Variants in C9orf78 observed in about 807,000 individuals in gnomAD.
C9orf78 encodes splicing factor C9orf78.
A neutral mutation model predicts 37.4 loss-of-function variants in C9orf78; 19 were observed. The ratio of observed to expected loss-of-function variants is 0.51; its 90% CI spans 0.35 to 0.74. The LOEUF (loss-of-function observed/expected upper bound fraction) is 0.74. Among genes scored for constraint, C9orf78 ranks in the 30% least tolerant of loss-of-function variants. The pLI, the probability that C9orf78 is intolerant of heterozygous loss-of-function variation, is 0.01. For synonymous variants in C9orf78, 130 were observed against 128.0 expected (o/e 1.02, Z -0.10); for missense variants, 291 against 370.8 (o/e 0.78, Z 1.77).
chr9:129,828,989 A>G, intron 8 of C9orf78: 2 of 635,376 alleles, frequency 3.1e-6, no homozygotes, highest in South Asian at 3.5e-5. Context: ...ATGAATTCTC[A>G]GAGTAATCCT....
rs2031689306 is a variant in C9orf78 at position 129,835,184 on chromosome 9, C to G, written c.38G>C (p.Gly13Ala). 1 of 1,610,378 alleles carries G rather than the reference C, an allele frequency of 6.2e-7. No homozygotes were observed. Among genetic ancestry groups the G allele is most frequent in the Non-Finnish European group, 8.5e-7 (1 of 1,178,890 alleles). Residue 13 changes from glycine to alanine, a missense_variant, in exon 1 of 9, where the codon GGC becomes GCC. Around this residue, in one of 3 missense-constraint regions of C9orf78, gnomAD observed 158 missense variants for 174.8 expected, o/e 0.90. Transcript: ENST00000372447. Reference sequence around the variant, plus strand: ...CTCATCTTCCTCTGACTCCGAGTCGCCCCGGCGGCGACGGAAAATCTTCCG... The same window carrying G: ...CTCATCTTCCTCTGACTCCGAGTCGGCCCGGCGGCGACGGAAAATCTTCCG... ...VVRKIFRRRR[G>A]DSESEEDEQD...
chr9:129,830,521 T>C (rs28455159), intron 6 of C9orf78: 2 of 272,104 alleles, frequency 7.4e-6, no homozygotes, highest in East Asian at 9.1e-5. Flanking sequence ...AATTTTTTTT[T>C]CCTTTTTTTT....
intron 4 of C9orf78, among the ~76,000 whole-genome samples, chr9:129,833,071 G>A (rs1285155549): frequency 2.9e-5 from 3 of 102,994 alleles, no homozygotes; most frequent in African/African-American, 8.6e-5. Flanking sequence ...GTACATATGT[G>A]TGTGTGTGTG....
In C9orf78 at chr9:129,827,783, C is replaced by CTTTTTTTTTTTTTTTTTTTTTTTTTTT. The variant is rs56021512; in HGVS notation, c.*377_*378insAAAAAAAAAAAAAAAAAAAAAAAAAAA. On this transcript the variant is annotated 3_prime_UTR_variant, in exon 9 of 9. Coordinates refer to ENST00000372447, the MANE Select transcript of C9orf78 (RefSeq NM_016520.3). ...TGTCCTGGAAGCCATTTTTCTTTTTCTTTTTTTTTTTTTTTTTTTTTTTTG... is the reference window on the plus strand; with the variant it reads ...TGTCCTGGAAGCCATTTTTCTTTTTCTTTTTTTTTTTTTTTTTTTTTTTTTTTTTTTTTTTTTTTTTTTTTTTTTTTG... 8.9e-6 allele frequency: 1 copy of CTTTTTTTTTTTTTTTTTTTTTTTTTTT among 112,582 alleles called. No individual in the cohort carries two copies. The highest frequency in any genetic ancestry group is 3.2e-5 in the African/African-American group (1 of 31,066). 7.0% of individuals were successfully genotyped at this position (112,582 alleles called of 1,614,324 possible).
At chr9:129,834,357 T>A (rs2031617375) in intron 2 of C9orf78, 2 of 264,850 alleles carry the variant, frequency 7.6e-6, no homozygotes, top group Non-Finnish European at 1.4e-5. Flanking sequence ...TTAACACTGA[T>A]CATTTCCGGA....
At position 129,831,957 on chromosome 9, in the gene C9orf78, C is replaced by A. The variant is rs1443566332; in HGVS notation, c.283G>T (p.Asp95Tyr). The A allele has an allele frequency of 6.4e-7, 1 of 1,556,268 alleles. No homozygotes were observed. The highest frequency in any genetic ancestry group is 8.9e-7 in the Non-Finnish European group (1 of 1,127,472). The change falls in exon 5 of 9, where the codon GAC becomes TAC. Residue 95 changes from aspartate (D) to tyrosine (Y), a missense_variant. By Grantham distance (160) the Asp-to-Tyr change is radical. Transcript: ENST00000372447. ...RGKDKISEEE[D>Y]LHLGTSFSAE... ...GAAAACGATGTCCCCAGGTGCAGGTCCTCCTCCTCACTGATCCTGGAGGGA... is the reference window on the plus strand; with the variant it reads ...GAAAACGATGTCCCCAGGTGCAGGTACTCCTCCTCACTGATCCTGGAGGGA...
chr9:129,828,150 C>G lies in C9orf78; in HGVS notation c.*11G>C. 1 of 1,479,916 alleles carries G rather than the reference C, an allele frequency of 6.8e-7. No individual in the cohort carries two copies. The highest frequency in any genetic ancestry group is 9.4e-7 in the Non-Finnish European group (1 of 1,059,804). 91.7% of individuals were successfully genotyped at this position (1,479,916 alleles called of 1,614,324 possible). On this transcript the variant is annotated 3_prime_UTR_variant, in exon 9 of 9. Coordinates refer to ENST00000372447, the MANE Select transcript of C9orf78 (RefSeq NM_016520.3). Reference sequence around the variant, plus strand: ...AGAGGAAGGCGATATTTACATCCCACTCTGCACAACTCAGTACCGCCTATT... The same window carrying G: ...AGAGGAAGGCGATATTTACATCCCAGTCTGCACAACTCAGTACCGCCTATT...
rs1481305283 is a variant in C9orf78, at chr9:129,833,713, A to T, written c.144-4T>A. ...TCCCACCAGCAAGGCCACAGCACTG[A>T]GCAAAACCAAAAAAAAAAGAGAGGG... On this transcript the variant is annotated splice_polypyrimidine_tract_variant and splice_region_variant and intron_variant, in intron 2 of 8. Transcript: ENST00000372447. 6.2e-7 allele frequency: 1 copy of T among 1,607,558 alleles called. No homozygotes were observed. The highest frequency in any genetic ancestry group is 8.5e-7 in the Non-Finnish European group (1 of 1,175,268).
In C9orf78 at chr9:129,835,271, A is replaced by G. The variant is rs1348217259; in HGVS notation, c.-50T>C. The G allele has an allele frequency of 1.4e-6, 2 of 1,389,684 alleles. No individual in the cohort carries two copies. Among genetic ancestry groups the G allele is most frequent in the Non-Finnish European group, 1.0e-6 (1 of 1,004,368 alleles). The allele number at this position is 1,389,684 out of a possible 1,614,324, so 86.1% of individuals were successfully genotyped here. A position where few individuals can be genotyped will look rare whatever the true frequency, so the allele number is the denominator to read the frequency against. On this transcript the variant is annotated 5_prime_UTR_variant, in exon 1 of 9. Coordinates refer to ENST00000372447, the MANE Select transcript of C9orf78 (RefSeq NM_016520.3). Reference sequence around the variant, plus strand: ...CCGCCGCGCCTCTGCGCAGCGGCCCAGGCTGCTTCCGGCGCGCGGCAGAGC... The same window carrying G: ...CCGCCGCGCCTCTGCGCAGCGGCCCGGGCTGCTTCCGGCGCGCGGCAGAGC...
rs2031365107 is a variant in C9orf78, at chr9:129,827,444, CATTTCT to C, written c.*711_*716del. The C allele has an allele frequency of 6.6e-6, 1 of 152,032 alleles. No homozygotes were observed. The highest frequency in any genetic ancestry group is 6.6e-5 in the Admixed American group (1 of 15,256). The allele number at this position is 152,032 out of a possible 1,614,324, so 9.4% of individuals were successfully genotyped here. On this transcript the variant is annotated 3_prime_UTR_variant, in exon 9 of 9. Coordinates refer to ENST00000372447, the MANE Select transcript of C9orf78 (RefSeq NM_016520.3). ...GGATTTTTCTGTCAGCTGGAGGATGCATTTCTGACCCCATCCCAGACACGTGAAAGC... is the reference window on the plus strand; with the variant it reads ...GGATTTTTCTGTCAGCTGGAGGATGCGACCCCATCCCAGACACGTGAAAGC...
intron 4 of C9orf78, among the ~76,000 whole-genome samples, chr9:129,833,068 T>C (rs1273303128): frequency 3.9e-5 from 1 of 25,572 alleles, no homozygotes; most frequent in East Asian, 3.7e-4. Context: ...TGTGTACATA[T>C]GTGTGTGTGT....
chr9:129,834,084 A>G (rs1564189336), intron 2 of C9orf78: 6 of 244,314 alleles, frequency 2.5e-5, no homozygotes, highest in Non-Finnish European at 3.2e-5. Context: ...AATCACCTAC[A>G]TGTCCCAAAA....
At chr9:129,832,369 A>T (rs2031522281) in intron 4 of C9orf78, among the ~76,000 whole-genome samples, 1 of 143,718 alleles carries the variant, frequency 7.0e-6, no homozygotes, top group Non-Finnish European at 1.6e-5. Context: ...ATACAATGTA[A>T]ATGCTATATA....
chr9:129,830,098 G>A (rs915741508), intron 6 of C9orf78: 1 of 152,608 alleles, frequency 6.6e-6, no homozygotes, highest in Non-Finnish European at 1.5e-5. Flanking sequence ...ACCTGCCAGG[G>A]ACAATCTCAT....
intron 6 of C9orf78, 175 bp downstream of exon 6, chr9:129,830,696 G>A: frequency 1.7e-6 from 1 of 576,252 alleles, no homozygotes; most frequent in South Asian, 2.0e-5. Flanking sequence ...ATTTTTAGTA[G>A]AGACGGGGTT....
chr9:129,829,271 T>G lies in C9orf78; in HGVS notation c.712A>C (p.Arg238=). The change falls in exon 8 of 9, where the codon AGA becomes CGA. Residue 238 remains arginine (R), a synonymous_variant. Coordinates refer to ENST00000372447, the MANE Select transcript of C9orf78 (RefSeq NM_016520.3). ...CGGGCCTTGGGCTCTTCTTTGTTTCTCCGTATGGGCGCGTTGAGCTCCTCA... is the reference window on the plus strand; with the variant it reads ...CGGGCCTTGGGCTCTTCTTTGTTTCGCCGTATGGGCGCGTTGAGCTCCTCA... The part of the protein sequence containing the change: ...YHEELNAPIR[R]NKEEPKARPL... 6.2e-7 allele frequency: 1 copy of G among 1,611,888 alleles called. No homozygotes were observed. Among genetic ancestry groups the G allele is most frequent in the Non-Finnish European group, 8.5e-7 (1 of 1,179,202 alleles).
At chr9:129,832,978 C>CGT (rs1019775407) in intron 4 of C9orf78, among the ~76,000 whole-genome samples, 14 of 142,126 alleles carry the variant, frequency 9.9e-5, no homozygotes, top group African/African-American at 3.2e-4. Context: ...TATATATATG[C>CGT]GTGTGTGTAT....
chr9:129,835,060 G>C (rs571223625), intron 1 of C9orf78, 79 bp downstream of exon 1: 3 of 1,162,158 alleles, frequency 2.6e-6, no homozygotes, highest in Non-Finnish European at 3.8e-6. Flanking sequence ...AACAATGTCA[G>C]CGAAGCGCCG....
chr9:129,834,870 C>G (rs1175301355), intron 1 of C9orf78, 104 bp from the exon 2 acceptor site: 1 of 906,698 alleles, frequency 1.1e-6, no homozygotes, highest in African/African-American at 1.6e-5. Context: ...CCCAGCCCAG[C>G]TACTGAGCCA....
Sources: allele counts gnomAD v4.1 joint callset (sites outside exome capture counted in the v4.1 genomes callset), GRCh38; gene constraint gnomAD v4.1.1; regional missense constraint gnomAD v4.1.1; transcripts MANE v1.5; gene names NCBI Gene and HGNC (gene_info 2026-07-23, HGNC 2026-07-21).